The following NPAS3 variants were observed in gnomAD, a reference collection of about 807,000 sequenced individuals.
NPAS3 encodes the protein neuronal PAS domain-containing protein 3.
Under a neutral mutation model 73.1 loss-of-function variants are expected in NPAS3, and 14 were observed. That is an observed-to-expected ratio of 0.19 (90% CI 0.13 to 0.30). NPAS3 has a LOEUF of 0.30. NPAS3 is among the 10% of genes least tolerant of loss of function. The pLI is 1.00. For synonymous variants in NPAS3, 620 were observed against 541.5 expected, an observed-to-expected ratio of 1.14 and a Z score of -2.01; for missense variants, 1,096 against 1,250.0, an observed-to-expected ratio of 0.88 and a Z score of 1.86.
intron 1 of NPAS3, among the ~76,000 whole-genome samples, chr14:32,954,412 A>G (rs968000240): frequency 2.0e-5 from 3 of 152,256 alleles, no homozygotes; most frequent in Middle Eastern, 3.4e-3. Flanking sequence ...CCATAACCCA[A>G]TAAGATAGGT....
intron 4 of NPAS3, among the ~76,000 whole-genome samples, chr14:33,491,139 A>G (rs1433801912): frequency 6.6e-6 from 1 of 152,128 alleles, no homozygotes; most frequent in Non-Finnish European, 1.5e-5. Context: ...TTGTGAACAA[A>G]CCTCCACAAG....
chr14:33,235,805 C>CTTTTTTTTTTTTTTTTTTTTT (rs35968798), intron 3 of NPAS3, among the ~76,000 whole-genome samples: 1 of 80,630 alleles, frequency 1.2e-5, no homozygotes, highest in African/African-American at 5.0e-5. Context: ...TGATACAATT[C>CTTTTTTTTTTTTTTTTTTTTT]TTTTTTTTTT....
rs189043623 is a variant in NPAS3 at position 33,043,299 on chromosome 14, C to T, written c.51-12606C>T. On this transcript the variant is annotated intron_variant, in intron 1 of 11. Coordinates refer to ENST00000356141, the Ensembl canonical transcript of NPAS3. ...TTTATTATTGAAATGCTATACTAAA[C>T]GATAATTCAGTGATACTTTATTCCA... is the stretch of plus-strand genomic sequence containing the variant. Among the ~76,000 whole-genome samples the T allele has an allele frequency of 6.7e-3, 1,024 of 152,110 alleles. 8 individuals are homozygous for T. Among genetic ancestry groups the T allele is most frequent in the Non-Finnish European group, 0.01 (710 of 67,958 alleles).
chr14:33,397,900 A>T (rs368436874), intron 4 of NPAS3, among the ~76,000 whole-genome samples: 84 of 152,258 alleles, frequency 5.5e-4, no homozygotes, highest in African/African-American at 1.4e-3. Context: ...CAGATCAGAA[A>T]TAGACACATA....
At chr14:33,163,623 G>GT (rs71448290) in intron 2 of NPAS3, among the ~76,000 whole-genome samples, 8,428 of 110,494 alleles carry the variant, frequency 0.076, 330 homozygotes, top group Non-Finnish European at 0.1. Context: ...GTGTTTTGTT[G>GT]TTTTTTTTTT....
intron 4 of NPAS3, among the ~76,000 whole-genome samples, chr14:33,499,689 T>C (rs939896017): frequency 6.6e-6 from 1 of 151,958 alleles, no homozygotes; most frequent in Non-Finnish European, 1.5e-5. Flanking sequence ...ACAATTATAA[T>C]AGAAACCTTC....
At chr14:33,205,147 A>G (rs1566674939) in intron 2 of NPAS3, among the ~76,000 whole-genome samples, 1 of 152,184 alleles carries the variant, frequency 6.6e-6, no homozygotes, top group African/African-American at 2.4e-5. Flanking sequence ...CAGTTCATTC[A>G]GATTTGGATA....
At position 33,794,048 on chromosome 14, in the gene NPAS3, T is replaced by A; in HGVS notation, c.1301+4T>A. The A allele has an allele frequency of 1.2e-6, 2 of 1,609,910 alleles. No individual in the cohort carries two copies. Among genetic ancestry groups the A allele is most frequent in the Non-Finnish European group, 1.7e-6 (2 of 1,177,950 alleles). On this transcript the variant is annotated splice_donor_region_variant and intron_variant, in intron 10 of 11. Coordinates refer to ENST00000356141, the Ensembl canonical transcript of NPAS3. Reference sequence around the variant, plus strand: ...TCTGGGTGAATTACCTTCTTAGGTATATTTTCTACTTCTTTTCTATTTCTG... The same window carrying A: ...TCTGGGTGAATTACCTTCTTAGGTAAATTTTCTACTTCTTTTCTATTTCTG...
At chr14:33,412,984 AT>A (rs2047993167) in intron 4 of NPAS3, among the ~76,000 whole-genome samples, 1 of 152,212 alleles carries the variant, frequency 6.6e-6, no homozygotes, top group South Asian at 2.1e-4. Context: ...TAGTTACAAA[AT>A]TGAGAAGAAA....
At chr14:33,081,235 G>C (rs2041854488) in intron 2 of NPAS3, among the ~76,000 whole-genome samples, 1 of 152,238 alleles carries the variant, frequency 6.6e-6, no homozygotes, top group African/African-American at 2.4e-5. Flanking sequence ...GTGTTCCTTG[G>C]AGCATACTCT....
intron 2 of NPAS3, among the ~76,000 whole-genome samples, chr14:33,060,669 G>A (rs975199631): frequency 6.6e-6 from 1 of 152,210 alleles, no homozygotes; most frequent in Admixed American, 6.5e-5. Flanking sequence ...TGCCTGGTTA[G>A]TGTTTCAAAC....
chr14:33,527,326 G>A (rs1314203846), intron 4 of NPAS3, among the ~76,000 whole-genome samples: 1 of 152,140 alleles, frequency 6.6e-6, no homozygotes, highest in Non-Finnish European at 1.5e-5. Flanking sequence ...TTTACAGCAA[G>A]AGCCCACATC....
At chr14:33,423,243 C>G (rs1428575612) in intron 4 of NPAS3, among the ~76,000 whole-genome samples, 11 of 151,952 alleles carry the variant, frequency 7.2e-5, no homozygotes, top group Non-Finnish European at 1.5e-5. Context: ...TATTGATGGT[C>G]AAGGCTTTTT....
At chr14:33,379,977 C>CGTGTGTGTGTGTGT (rs34208750) in intron 4 of NPAS3, among the ~76,000 whole-genome samples, 8,689 of 144,162 alleles carry the variant, frequency 0.06, 351 homozygotes, top group East Asian at 0.15. Context: ...AGTTATCCCT[C>CGTGTGTGTGTGTGT]GTGTGTGTGT....
chr14:33,511,443 A>G (rs551435082), intron 4 of NPAS3, among the ~76,000 whole-genome samples: 2 of 152,180 alleles, frequency 1.3e-5, no homozygotes, highest in African/African-American at 4.8e-5. Context: ...AATTTAATCA[A>G]TAAAGAGAAA....
intron 3 of NPAS3, among the ~76,000 whole-genome samples, chr14:33,337,348 C>A (rs4982073): frequency 0.58 from 87,391 of 151,748 alleles, 26,864 homozygotes; most frequent in Non-Finnish European, 0.68. Flanking sequence ...TTGGAAAGAT[C>A]ATCTTTTTTC....
chr14:33,774,414 T>C (rs966560147), exon 8 of NPAS3: 1 of 1,614,142 alleles, frequency 6.2e-7, no homozygotes, highest in East Asian at 2.2e-5. Context: ...AAATCATGGG[T>C]CTCGTGGTTG....
intron 3 of NPAS3, among the ~76,000 whole-genome samples, chr14:33,315,240 T>C (rs1441245405): frequency 2.0e-5 from 3 of 152,126 alleles, no homozygotes; most frequent in Non-Finnish European, 4.4e-5. Flanking sequence ...ATGGGAAATA[T>C]TAAGTATTTT....
intron 6 of NPAS3, among the ~76,000 whole-genome samples, chr14:33,719,029 G>A (rs1004733435): frequency 2.0e-5 from 3 of 152,172 alleles, no homozygotes; most frequent in Non-Finnish European, 2.9e-5. Context: ...TTGGGAGGCT[G>A]AGGTTGGAGG....
Sources: gnomAD v4.1 joint callset for allele counts (sites outside exome capture counted in the v4.1 genomes callset) on GRCh38, gnomAD v4.1.1 for gene constraint, MANE v1.5 for transcripts, NCBI Gene and HGNC (gene_info 2026-07-23, HGNC 2026-07-21) for gene names.